The following AMBRA1 variants were observed in gnomAD, a reference collection of about 807,000 sequenced individuals.
AMBRA1 encodes autophagy and beclin 1 regulator 1.
Under a neutral mutation model 125.4 loss-of-function variants are expected in AMBRA1, and 47 were observed. The observed-to-expected ratio is 0.37, with a 90% CI of 0.30 to 0.48. The LOEUF (loss-of-function observed/expected upper bound fraction) is 0.48. AMBRA1 is among the 20% of genes least tolerant of loss of function. The probability of loss-of-function intolerance (pLI) is 0.99; values close to 1 mark genes in which losing one functional copy is unlikely to be tolerated. For synonymous variants in AMBRA1, 626 were observed against 655.5 expected, an observed-to-expected ratio of 0.95 and a Z score of 0.69; for missense variants, 1,331 against 1,693.4, an observed-to-expected ratio of 0.79 and a Z score of 3.76.
chr11:46,489,047 C>T (rs1418017050), intron 11 of AMBRA1, among the ~76,000 whole-genome samples: 3 of 152,112 alleles, frequency 2.0e-5, no homozygotes, highest in Non-Finnish European at 2.9e-5. Context: ...GGACTACAGG[C>T]GCCCGCAACC....
intron 1 of AMBRA1, among the ~76,000 whole-genome samples, chr11:46,588,363 C>A (rs1372325661): frequency 6.6e-6 from 1 of 152,200 alleles, no homozygotes; most frequent in East Asian, 1.9e-4. Flanking sequence ...GCAAGTTGCC[C>A]AAGAACTTAA....
intron 1 of AMBRA1, among the ~76,000 whole-genome samples, chr11:46,550,566 T>A (rs1168764051): frequency 6.6e-6 from 1 of 152,204 alleles, no homozygotes; most frequent in East Asian, 1.9e-4. Flanking sequence ...ACTTTTTTAA[T>A]GGGGGGAGAT....
chr11:46,505,802 CAAG>C (rs1353986466), intron 9 of AMBRA1, among the ~76,000 whole-genome samples: 2 of 151,970 alleles, frequency 1.3e-5, no homozygotes, highest in Non-Finnish European at 1.5e-5. Flanking sequence ...GAAGGTAAGA[CAAG>C]AACAGAACAT....
intron 17 of AMBRA1, among the ~76,000 whole-genome samples, chr11:46,400,440 C>G (rs1371563644): frequency 7.9e-5 from 10 of 127,316 alleles, no homozygotes; most frequent in Non-Finnish European, 1.4e-4. Flanking sequence ...CTTGTTGGTA[C>G]TTGGCAGCCT....
At chr11:46,493,157 T>G (rs539844431) in intron 11 of AMBRA1, among the ~76,000 whole-genome samples, 214 of 152,344 alleles carry the variant, frequency 1.4e-3, no homozygotes, top group Non-Finnish European at 2.5e-3. Context: ...CTCCCTCTTT[T>G]CCTTCCTCAG....
intron 7 of AMBRA1, among the ~76,000 whole-genome samples, chr11:46,515,176 A>C (rs1951421256): frequency 6.6e-6 from 1 of 152,168 alleles, no homozygotes; most frequent in African/African-American, 2.4e-5. Context: ...CACAGTGACC[A>C]AAAAACATCC....
At chr11:46,458,503 G>T (rs562421397) in intron 11 of AMBRA1, among the ~76,000 whole-genome samples, 80 of 152,202 alleles carry the variant, frequency 5.3e-4, no homozygotes, top group Non-Finnish European at 1.3e-4. Context: ...CTGAGCCATC[G>T]ATTTTCCATT....
intron 8 of AMBRA1, 116 bp from the exon 9 acceptor site, chr11:46,508,486 T>A: frequency 9.3e-6 from 10 of 1,073,956 alleles, no homozygotes; most frequent in Non-Finnish European, 1.3e-5. Context: ...TCTGGAGACA[T>A]GAAAATTAAA....
At chr11:46,560,995 T>C (rs2043316499) in intron 1 of AMBRA1, among the ~76,000 whole-genome samples, 1 of 152,206 alleles carries the variant, frequency 6.6e-6, no homozygotes, top group African/African-American at 2.4e-5. Flanking sequence ...CATCTTTCTA[T>C]TCTCTGCATA....
intron 9 of AMBRA1, among the ~76,000 whole-genome samples, chr11:46,502,359 G>A (rs985054266): frequency 1.2e-4 from 19 of 152,204 alleles, no homozygotes; most frequent in African/African-American, 4.6e-4. Flanking sequence ...TTTACAGTGT[G>A]TTTCCTCAGC....
At chr11:46,399,323 C>G (rs1162514319) in intron 17 of AMBRA1, among the ~76,000 whole-genome samples, 2 of 152,232 alleles carry the variant, frequency 1.3e-5, no homozygotes, top group African/African-American at 4.8e-5. Flanking sequence ...ATCTGCCTGC[C>G]TCAGCCTCCC....
rs1295556850 is a variant in AMBRA1 at position 46,434,887 on chromosome 11, G to A, written c.2783C>T (p.Pro928Leu). Residue 928 changes from proline (P) to leucine (L), a missense_variant, in exon 13 of 18, where the codon CCC becomes CTC. This residue lies in a region of AMBRA1 where 354 missense variants were observed against 532.7 expected (regional missense o/e 0.66). Coordinates refer to ENST00000683756, the MANE Select transcript of AMBRA1 (RefSeq NM_001387011.1). Reference protein sequence around the residue: ...EGILAVYSLAPHNLGEMLYTK... With the variant: ...EGILAVYSLALHNLGEMLYTK... ...GTAGAGCATTTCGCCCAGGTTATGG[G>A]GGGCCAGGGAGTACACTGCCAGGAT... 6.2e-7 allele frequency: 1 copy of A among 1,612,970 alleles called. No homozygotes were observed. The highest frequency in any genetic ancestry group is 8.5e-7 in the Non-Finnish European group (1 of 1,179,542).
intron 15 of AMBRA1, among the ~76,000 whole-genome samples, chr11:46,416,579 C>T (rs1946556761): frequency 6.6e-6 from 1 of 152,216 alleles, no homozygotes; most frequent in Admixed American, 6.5e-5. Context: ...CAGCACTTCC[C>T]TACCAGGCCA....
intron 11 of AMBRA1, among the ~76,000 whole-genome samples, chr11:46,477,398 G>C (rs1252842806): frequency 2.7e-5 from 4 of 149,898 alleles, no homozygotes; most frequent in Non-Finnish European, 5.9e-5. Context: ...GCTCAATGCA[G>C]CCTCTGCCTC....
At chr11:46,553,976 C>T (rs550422568) in intron 1 of AMBRA1, among the ~76,000 whole-genome samples, 7 of 152,070 alleles carry the variant, frequency 4.6e-5, no homozygotes, top group Non-Finnish European at 8.8e-5. Flanking sequence ...CCTTAGTAAC[C>T]CTGACAACTC....
chr11:46,403,780 G>C (rs911683641), intron 17 of AMBRA1, among the ~76,000 whole-genome samples: 1 of 152,144 alleles, frequency 6.6e-6, no homozygotes, highest in Non-Finnish European at 1.5e-5. Context: ...CATTTTTATA[G>C]AACAAGAAAA....
chr11:46,564,712 C>T (rs2043461356), intron 1 of AMBRA1, among the ~76,000 whole-genome samples: 1 of 152,106 alleles, frequency 6.6e-6, no homozygotes, highest in Admixed American at 6.6e-5. Flanking sequence ...CATGCTATAA[C>T]CTTGGACAAA....
intron 1 of AMBRA1, among the ~76,000 whole-genome samples, chr11:46,590,482 T>A (rs957913182): frequency 1.1e-4 from 16 of 151,386 alleles, no homozygotes; most frequent in African/African-American, 3.9e-4. Flanking sequence ...AAAAAAAAAA[T>A]TAAATTACTA....
chr11:46,493,305 T>A (rs1396041032), intron 11 of AMBRA1, among the ~76,000 whole-genome samples: 1 of 152,070 alleles, frequency 6.6e-6, no homozygotes, highest in East Asian at 1.9e-4. Flanking sequence ...GGCACCTTTA[T>A]CATTCAATTA....
Sources: gnomAD v4.1 joint callset for allele counts (sites outside exome capture counted in the v4.1 genomes callset) on GRCh38, gnomAD v4.1.1 for gene constraint, gnomAD v4.1.1 regional missense constraint, MANE v1.5 for transcripts, NCBI Gene and HGNC (gene_info 2026-07-23, HGNC 2026-07-21) for gene names.